UPB1: variants seen among roughly 807,000 people sequenced by gnomAD.
The protein encoded by UPB1 is beta-ureidopropionase.
A neutral mutation model predicts 49.1 loss-of-function variants in UPB1; 40 were observed. The ratio of observed to expected loss-of-function variants is 0.81; its 90% CI spans 0.63 to 1.06. The LOEUF is 1.06. UPB1 is among the 50% of genes least tolerant of loss of function. The pLI is 0.00. For missense variants in UPB1, 499 were observed against 505.9 expected (o/e 0.99, Z 0.13); for synonymous variants, 207 against 198.2 (o/e 1.04, Z -0.38).
rs1568996470 is a variant in UPB1, at chr22:24,521,998, A to G, written c.886A>G (p.Asn296Asp). 6.2e-7 allele frequency: 1 copy of G among 1,614,150 alleles called. No individual in the cohort carries two copies. The change falls in exon 8 of 10, where the codon AAC (asparagine) becomes GAC (aspartate). Residue 296 changes from asparagine (N) to aspartate (D), a missense_variant. Transcript: ENST00000326010. ...INRVGTEHFP[N>D]EFTSGDGKKA... ...TCTTATTTCACAGGAGCACTTCCCG[A>G]ACGAGTTTACCTCGGGAGATGGAAA...
chr22:24,500,846 C>T (rs1321231829), intron 2 of UPB1, among the ~76,000 whole-genome samples: 1 of 152,210 alleles, frequency 6.6e-6, no homozygotes, highest in African/African-American at 2.4e-5. Flanking sequence ...TTGCTTTATA[C>T]ACTTCTCCAC....
chr22:24,520,293 G>C, intron 6 of UPB1, 94 bp from the exon 7 acceptor site: 1 of 1,429,308 alleles, frequency 7.0e-7, no homozygotes, highest in Admixed American at 1.9e-5. Context: ...CACTGGCCCA[G>C]GAAAGCCTGC....
chr22:24,495,580 G>A, intron 1 of UPB1, 73 bp downstream of exon 1: 1 of 1,539,786 alleles, frequency 6.5e-7, no homozygotes, highest in Non-Finnish European at 8.9e-7. Flanking sequence ...CAGGCAGGGA[G>A]GGCCTCAGGG....
intron 5 of UPB1, among the ~76,000 whole-genome samples, chr22:24,514,211 G>A (rs1360319500): frequency 1.3e-5 from 2 of 152,080 alleles, no homozygotes; most frequent in African/African-American, 4.8e-5. Flanking sequence ...GAATGTGGGG[G>A]TCCTGGCCGT....
Position 24,495,413 on chromosome 22 carries a change from G to A in UPB1, c.10G>A (p.Ala4Thr), listed in dbSNP as rs371262591. The A allele has an allele frequency of 6.6e-5, 107 of 1,613,076 alleles. No individual in the cohort carries two copies. Among genetic ancestry groups the A allele is most frequent in the Admixed American group, 1.2e-4 (7 of 60,018 alleles). The change falls in exon 1 of 10, where the codon GCT becomes ACT. Residue 4 changes from alanine to threonine, a missense_variant. Physicochemically the swap from Ala to Thr is moderately conservative, Grantham distance 58. Transcript: ENST00000326010. ...CTGGCGGACCGTGGCCATGGCGGGC[G>A]CTGAGTGGAAGTCGCTGGAGGAATG... is the stretch of plus-strand genomic sequence containing the variant. MAGAEWKSLEECLE... is the reference protein window; with the variant it reads MAGTEWKSLEECLE...
Position 24,520,470 on chromosome 22 carries a change from T to A in UPB1, c.873+2T>A, listed in dbSNP as rs182681875. On this transcript the variant is annotated splice_donor_variant, in intron 7 of 9. Transcript: ENST00000326010. LOFTEE classifies it high-confidence loss of function. ...TGCGCCATCAATCGAGTGGGCACCG[T>A]AAGTCCCGAGGTCTGGCTGGGGAGA... is the stretch of plus-strand genomic sequence containing the variant. 3.1e-6 allele frequency: 5 copies of A among 1,613,746 alleles called. No homozygotes were observed. The South Asian group carries it at 3.3e-5, about 11-fold the overall frequency.
At chr22:24,496,641 G>A (rs1423901256) in intron 1 of UPB1, among the ~76,000 whole-genome samples, 1 of 152,206 alleles carries the variant, frequency 6.6e-6, no homozygotes, top group African/African-American at 2.4e-5. Flanking sequence ...GTGGGCCTCA[G>A]GTGGGCGAGG....
At chr22:24,507,925 T>G (rs940700412) in intron 3 of UPB1, among the ~76,000 whole-genome samples, 4 of 152,074 alleles carry the variant, frequency 2.6e-5, no homozygotes, top group Non-Finnish European at 4.4e-5. Flanking sequence ...CTGGGCCCTA[T>G]GCAAATCAGA....
chr22:24,510,993 CACTTTTTTTTTTAGCGT>C (rs1424407365), intron 4 of UPB1, 150 bp downstream of exon 4: 2 of 761,848 alleles, frequency 2.6e-6, no homozygotes, highest in South Asian at 1.5e-5. Context: ...GACTATCTGC[CACTTTTTTTTTTAGCGT>C]ACTCTTAGAA....
At position 24,500,586 on chromosome 22, in the gene UPB1, G is replaced by A. The variant is rs576095297; in HGVS notation, c.276+308G>A. Among the ~76,000 whole-genome samples, 58 of 152,322 alleles carry A rather than the reference G, an allele frequency of 3.8e-4. 1 individual carries two copies. The highest frequency in any genetic ancestry group is 9.6e-4 in the East Asian group (5 of 5,188). ...CTTTTGGCCTGCTCGTGCTCTCCAC[G>A]GGACGCTGCCTCTCAGCTGCCTGCC... On this transcript the variant is annotated intron_variant, in intron 2 of 9. Coordinates refer to ENST00000326010, the MANE Select transcript of UPB1 (RefSeq NM_016327.3).
intron 3 of UPB1, among the ~76,000 whole-genome samples, chr22:24,504,732 T>A (rs1402678682): frequency 7.1e-6 from 1 of 140,490 alleles, no homozygotes. Context: ...CCTTTTTTTT[T>A]TTTTTTTTTT....
In UPB1 at chr22:24,500,647, G is replaced by A. The variant is rs78008220; in HGVS notation, c.276+369G>A. Among the ~76,000 whole-genome samples the A allele has an allele frequency of 5.8e-3, 882 of 152,326 alleles. 6 individuals carry two copies. Among genetic ancestry groups the A allele is most frequent in the African/African-American group, 0.02 (831 of 41,574 alleles). ...CAGCCAGCACACGCTGGTTGGGACC[G>A]TCTGTCCGTGTGTTCTTCTGCCTTA... is the stretch of plus-strand genomic sequence containing the variant. On this transcript the variant is annotated intron_variant, in intron 2 of 9. Coordinates refer to ENST00000326010, the MANE Select transcript of UPB1 (RefSeq NM_016327.3).
intron 6 of UPB1, 28 bp downstream of exon 6, chr22:24,515,398 CT>C: frequency 6.2e-7 from 1 of 1,613,910 alleles, no homozygotes; most frequent in Non-Finnish European, 8.5e-7. Flanking sequence ...GTCTGGGGGG[CT>C]TCCTGGGGCC....
At position 24,525,783 on chromosome 22, in the gene UPB1, G is replaced by A. The variant is rs773810336; in HGVS notation, c.1144G>A (p.Val382Met). ...AVKSNYSPTIVKE is the reference protein window; with the variant it reads ...AVKSNYSPTIMKE ...CAAGTCCAACTACAGCCCCACCATC[G>A]TGAAAGAGTAGCCGGCTTCAGTGCC... Residue 382 changes from valine (V) to methionine (M), a missense_variant, in exon 10 of 10, where the codon GTG becomes ATG. Physicochemically the swap from Val to Met is conservative, Grantham distance 21. Transcript: ENST00000326010. The A allele has an allele frequency of 1.4e-5, 22 of 1,614,080 alleles. No individual in the cohort carries two copies. The highest frequency in any genetic ancestry group is 6.6e-5 in the South Asian group (6 of 91,090).
rs371577151 is a variant in UPB1, at chr22:24,504,822, G to A, written c.364+2609G>A. 2.8e-5 allele frequency among the ~76,000 whole-genome samples: 4 copies of A among 144,966 alleles called. No individual in the cohort carries two copies. The East Asian group carries it at 6.2e-4, about 22-fold the overall frequency. On this transcript the variant is annotated intron_variant, in intron 3 of 9. Transcript: ENST00000326010. Reference sequence around the variant, plus strand: ...AGCTCACTGCAGCCTTGACCTCCCAGGATCAAGCAATCCTCCCGCCCCAGC... The same window carrying A: ...AGCTCACTGCAGCCTTGACCTCCCAAGATCAAGCAATCCTCCCGCCCCAGC...
intron 3 of UPB1, among the ~76,000 whole-genome samples, chr22:24,504,904 A>ATTTTTTTT (rs56198043): frequency 1.8e-5 from 2 of 109,364 alleles, no homozygotes; most frequent in African/African-American, 7.0e-5. Flanking sequence ...ATTTTCTTGA[A>ATTTTTTTT]TTTTTTTTTT....
intron 5 of UPB1, among the ~76,000 whole-genome samples, chr22:24,513,771 C>A (rs565699815): frequency 6.6e-6 from 1 of 152,272 alleles, no homozygotes; most frequent in African/African-American, 2.4e-5. Context: ...CTCCTGAATT[C>A]TTTGAAGTAA....
intron 6 of UPB1, 99 bp downstream of exon 6, chr22:24,515,469 G>A: frequency 1.3e-6 from 2 of 1,531,200 alleles, no homozygotes; most frequent in South Asian, 2.3e-5. Context: ...GGCAGGCGCA[G>A]CCACCAGGAT....
chr22:24,512,873 G>C (rs995067886), intron 4 of UPB1, among the ~76,000 whole-genome samples: 20 of 152,194 alleles, frequency 1.3e-4, no homozygotes, highest in African/African-American at 4.3e-4. Flanking sequence ...GGCATCTAAG[G>C]CTGAATGATA....
Sources: allele counts gnomAD v4.1 joint callset (sites outside exome capture counted in the v4.1 genomes callset), GRCh38; gene constraint gnomAD v4.1.1; transcripts MANE v1.5; gene names NCBI Gene and HGNC (gene_info 2026-07-23, HGNC 2026-07-21).